The following DLGAP1 variants were observed in gnomAD, a reference collection of about 807,000 sequenced individuals.
DLGAP1 encodes the protein DLG associated protein 1.
In DLGAP1, 11 loss-of-function variants were observed where a neutral mutation model predicts 90.8. The ratio of observed to expected loss-of-function variants is 0.12; its 90% CI spans 0.08 to 0.20. The LOEUF (loss-of-function observed/expected upper bound fraction) is 0.20, where lower values mean the gene tolerates loss of function less well. DLGAP1 is among the 10% of genes least tolerant of loss of function. DLGAP1 has a pLI of 1.00. For missense variants in DLGAP1, 1,050 were observed against 1,333.8 expected (o/e 0.79, Z 3.31); for synonymous variants, 558 against 540.7 (o/e 1.03, Z -0.44).
intron 3 of DLGAP1, 173 bp downstream of exon 3, chr18:4,004,938 GTGTGC>G (rs1404269212): frequency 7.3e-6 from 1 of 137,716 alleles, no homozygotes; most frequent in Non-Finnish European, 1.6e-5. Context: ...GTGTGTGTGT[GTGTGC>G]GCGCGTGTGT....
intron 2 of DLGAP1, among the ~76,000 whole-genome samples, chr18:4,062,228 G>A (rs6506164): frequency 0.43 from 65,605 of 151,648 alleles, 15,125 homozygotes; most frequent in African/African-American, 0.6. Context: ...CCTAAGCGCA[G>A]TAAGAATCTG....
chr18:3,515,008 G>T (rs1256693845), intron 10 of DLGAP1, among the ~76,000 whole-genome samples: 1 of 152,082 alleles, frequency 6.6e-6, no homozygotes, highest in Non-Finnish European at 1.5e-5. Context: ...CTCCCAAACT[G>T]CTGACATTAC....
intron 10 of DLGAP1, among the ~76,000 whole-genome samples, chr18:3,531,546 C>A (rs925749895): frequency 1.3e-5 from 2 of 152,102 alleles, no homozygotes; most frequent in African/African-American, 4.8e-5. Flanking sequence ...GCAGTAGCTG[C>A]GATCTCTGTT....
At chr18:3,670,039 G>A (rs1297834186) in intron 7 of DLGAP1, among the ~76,000 whole-genome samples, 2 of 152,238 alleles carry the variant, frequency 1.3e-5, no homozygotes, top group African/African-American at 4.8e-5. Flanking sequence ...TGTGCGATGG[G>A]AACAAGGGAA....
chr18:4,091,752 G>C (rs890370027), intron 2 of DLGAP1, among the ~76,000 whole-genome samples: 1 of 152,020 alleles, frequency 6.6e-6, no homozygotes, highest in Admixed American at 6.6e-5. Flanking sequence ...GTGAAATTCC[G>C]TATCTGTTCA....
At chr18:3,557,492 A>G (rs777971754) in intron 9 of DLGAP1, among the ~76,000 whole-genome samples, 14 of 152,210 alleles carry the variant, frequency 9.2e-5, no homozygotes, top group Non-Finnish European at 1.6e-4. Flanking sequence ...ACTGCACTCC[A>G]GCCTGGGTGA....
intron 3 of DLGAP1, among the ~76,000 whole-genome samples, chr18:3,942,969 G>GT (rs200971152): frequency 0.19 from 27,459 of 146,444 alleles, 2,604 homozygotes; most frequent in African/African-American, 0.21. Context: ...CAACATTTTT[G>GT]TTTTTTTTTT....
intron 7 of DLGAP1, chr18:3,603,960 A>T (rs905903503): frequency 7.8e-5 from 12 of 154,532 alleles, no homozygotes; most frequent in African/African-American, 2.9e-4. Context: ...GAGGCAGGAA[A>T]AAAGTTCCTT....
At chr18:4,024,378 G>C (rs1434434584) in intron 2 of DLGAP1, among the ~76,000 whole-genome samples, 1 of 152,160 alleles carries the variant, frequency 6.6e-6, no homozygotes, top group African/African-American at 2.4e-5. Context: ...AACAGGAAGG[G>C]AGCACCACAG....
intron 7 of DLGAP1, among the ~76,000 whole-genome samples, chr18:3,662,286 CT>C (rs2059711587): frequency 6.6e-6 from 1 of 151,998 alleles, no homozygotes; most frequent in South Asian, 2.1e-4. Context: ...TGTAAAATAC[CT>C]TTTAATGACT....
chr18:4,106,441 G>A (rs1055078805), intron 2 of DLGAP1, among the ~76,000 whole-genome samples: 1 of 151,948 alleles, frequency 6.6e-6, no homozygotes, highest in Non-Finnish European at 1.5e-5. Flanking sequence ...GACGAGGCTA[G>A]GGCGAGGAGT....
chr18:3,712,818 T>A (rs2147244113), intron 7 of DLGAP1, among the ~76,000 whole-genome samples: 1 of 152,346 alleles, frequency 6.6e-6, no homozygotes, highest in South Asian at 2.1e-4. Flanking sequence ...AGCAGGACTA[T>A]AAGTTTAAGC....
At chr18:4,363,705 G>T (rs2081685407) in intron 1 of DLGAP1, among the ~76,000 whole-genome samples, 1 of 152,152 alleles carries the variant, frequency 6.6e-6, no homozygotes, top group Non-Finnish European at 1.5e-5. Context: ...ACCACAATGA[G>T]ATACCATCTC....
chr18:3,618,205 T>C (rs557054224), intron 7 of DLGAP1, among the ~76,000 whole-genome samples: 24 of 152,336 alleles, frequency 1.6e-4, no homozygotes, highest in African/African-American at 5.8e-4. Context: ...AGGAAGGACT[T>C]TGCAACAGCA....
intron 2 of DLGAP1, among the ~76,000 whole-genome samples, chr18:4,044,644 G>A (rs1250187053): frequency 6.6e-6 from 1 of 152,188 alleles, no homozygotes; most frequent in African/African-American, 2.4e-5. Context: ...TGGAGGCTGA[G>A]GCAGGAGAAT....
intron 1 of DLGAP1, among the ~76,000 whole-genome samples, chr18:4,405,369 T>C (rs2082640846): frequency 6.6e-6 from 1 of 152,128 alleles, no homozygotes; most frequent in Non-Finnish European, 1.5e-5. Flanking sequence ...GGATAGTTTC[T>C]GGAATTCAGA....
Position 3,878,969 on chromosome 18 carries a change from C to T in DLGAP1, c.957+143G>A. ...TTTCATTTTCCCTACAGGAGCAATTCGGCACAGAGATGCCGAATAATTTGC... is the reference window on the plus strand; with the variant it reads ...TTTCATTTTCCCTACAGGAGCAATTTGGCACAGAGATGCCGAATAATTTGC... On this transcript the variant is annotated intron_variant, in intron 4 of 12. Transcript: ENST00000315677. The T allele has an allele frequency of 9.4e-6, 6 of 640,370 alleles. No homozygotes were observed. The South Asian group carries it at 1.5e-4, about 17-fold the overall frequency. The allele number at this position is 640,370 out of a possible 1,614,324, so 39.7% of individuals were successfully genotyped here.
chr18:4,291,546 A>G (rs546474342), intron 1 of DLGAP1, among the ~76,000 whole-genome samples: 63 of 143,120 alleles, frequency 4.4e-4, no homozygotes, highest in African/African-American at 1.8e-3. Flanking sequence ...GGATTATTTT[A>G]TACATACATA....
chr18:4,139,543 T>G (rs1224979988), intron 2 of DLGAP1, among the ~76,000 whole-genome samples: 2 of 152,176 alleles, frequency 1.3e-5, no homozygotes, highest in African/African-American at 4.8e-5. Flanking sequence ...ACAAATGGTC[T>G]ATCCTTGATA....
Sources: allele counts gnomAD v4.1 joint callset (sites outside exome capture counted in the v4.1 genomes callset), GRCh38; gene constraint gnomAD v4.1.1; transcripts MANE v1.5; gene names NCBI Gene and HGNC (gene_info 2026-07-23, HGNC 2026-07-21).